PCDHB10: variants seen among roughly 807,000 people sequenced by gnomAD.
PCDHB10 encodes the protein protocadherin beta 10, also known as protocadherin beta-10.
For synonymous variants in PCDHB10, 448 were observed against 449.2 expected, an observed-to-expected ratio of 1.00 and a Z score of 0.04; for missense variants, 1,046 against 1,004.7, an observed-to-expected ratio of 1.04 and a Z score of -0.56.
chr5:141,193,332 T>C lies in PCDHB10; in HGVS notation c.780T>C (p.Leu260=). 6.2e-7 allele frequency: 1 copy of C among 1,614,112 alleles called. No individual in the cohort carries two copies. The highest frequency in any genetic ancestry group is 8.5e-7 in the Non-Finnish European group (1 of 1,179,992). The change falls in exon 1 of 1, where the codon CTT becomes CTC. Residue 260 remains leucine (L), a synonymous_variant. Transcript: ENST00000239446. ...QAPENSPIGF[L]IVKVWAEDVD... is the part of the protein sequence containing the mutation. ...CAGAAAACAGCCCCATTGGGTTCCT[T>C]ATTGTTAAGGTATGGGCAGAAGATG...
In PCDHB10 at chr5:141,193,528, G is replaced by A. The variant is rs996657965; in HGVS notation, c.976G>A (p.Gly326Ser). 6.2e-7 allele frequency: 1 copy of A among 1,614,000 alleles called. No homozygotes were observed. Among genetic ancestry groups the A allele is most frequent in the African/African-American group, 1.3e-5 (1 of 74,888 alleles). ...KINIQAMDGG[G>S]LSARCRVLVE... ...AAATATACAGGCAATGGACGGTGGAGGCCTTTCTGCAAGATGTAGGGTTTT... is the reference window on the plus strand; with the variant it reads ...AAATATACAGGCAATGGACGGTGGAAGCCTTTCTGCAAGATGTAGGGTTTT... The change falls in exon 1 of 1, where the codon GGC becomes AGC. Residue 326 changes from glycine (G) to serine (S), a missense_variant. Transcript: ENST00000239446.
At position 141,194,430 on chromosome 5, in the gene PCDHB10, C is replaced by G; in HGVS notation, c.1878C>G (p.Thr626=). 1 of 1,603,618 alleles carries G rather than the reference C, an allele frequency of 6.2e-7. No homozygotes were observed. Among genetic ancestry groups the G allele is most frequent in the South Asian group, 1.1e-5 (1 of 90,898 alleles). The change falls in exon 1 of 1, where the codon ACC becomes ACG. Residue 626 remains threonine, a synonymous_variant. Transcript: ENST00000239446. ...GVWAHNGEVR[T]ARLLSERDAA... The stretch of plus-strand genomic sequence containing the variant: ...GGGCGCACAATGGGGAGGTGCGCAC[C>G]GCCAGGCTGCTGAGCGAGCGCGACG...
rs547993435 is a variant in PCDHB10 at position 141,194,854 on chromosome 5, T to C, written c.2302T>C (p.Phe768Leu). 1.2e-6 allele frequency: 2 copies of C among 1,614,168 alleles called. No homozygotes were observed. Among genetic ancestry groups the C allele is most frequent in the South Asian group, 2.2e-5 (2 of 91,086 alleles). ...TGGPGTSEFK[F>L]LKPVISDIQA... ...AGGCCCCGGGACCAGTGAGTTCAAG[T>C]TCTTGAAACCAGTTATTTCGGATAT... The change falls in exon 1 of 1, where the codon TTC (phenylalanine) becomes CTC (leucine). Residue 768 changes from phenylalanine (F) to leucine (L), a missense_variant. By Grantham distance (22) the Phe-to-Leu change is conservative (BLOSUM62 0). Transcript: ENST00000239446.
chr5:141,194,106 G>A lies in PCDHB10; in HGVS notation c.1554G>A (p.Ser518=), dbSNP rs782084372. The A allele has an allele frequency of 1.9e-6, 3 of 1,605,548 alleles. No individual in the cohort carries two copies. Among genetic ancestry groups the A allele is most frequent in the Non-Finnish European group, 1.7e-6 (2 of 1,176,408 alleles). ...ACGGCCACCTGTTCGCCCTCAGGTC[G>A]CTGGACTACGAGGCCCTGCAGGCTT... is the stretch of plus-strand genomic sequence containing the variant. ...ADNGHLFALR[S]LDYEALQAFE... The change falls in exon 1 of 1, where the codon TCG becomes TCA. Residue 518 remains serine, a synonymous_variant. Coordinates refer to ENST00000239446, the MANE Select transcript of PCDHB10 (RefSeq NM_018930.4).
At position 141,195,016 on chromosome 5, in the gene PCDHB10, C is replaced by G. The variant is rs1326633651; in HGVS notation, c.*61C>G. 1.4e-6 allele frequency: 2 copies of G among 1,480,316 alleles called. No homozygotes were observed. Among genetic ancestry groups the G allele is most frequent in the African/African-American group, 2.8e-5 (2 of 71,038 alleles). 91.7% of individuals were successfully genotyped at this position (1,480,316 alleles called of 1,614,324 possible). On this transcript the variant is annotated 3_prime_UTR_variant, in exon 1 of 1. Transcript: ENST00000239446. The stretch of plus-strand genomic sequence containing the variant: ...ACATAGCCATGTTTCTATTAGTTTA[C>G]TTTTAAATCTCAAATTTAAGTTATT...
chr5:141,194,923 T>C lies in PCDHB10; in HGVS notation c.2371T>C (p.Phe791Leu). 6.2e-7 allele frequency: 1 copy of C among 1,611,850 alleles called. No individual in the cohort carries two copies. Among genetic ancestry groups the C allele is most frequent in the Non-Finnish European group, 8.5e-7 (1 of 1,178,624 alleles). The part of the protein sequence containing the change: ...PGRKGEENST[F>L]RNSFGFNIQ ...GAGGAAGGGTGAAGAAAATTCCACCTTCCGAAATAGCTTTGGATTTAATAT... is the reference window on the plus strand; with the variant it reads ...GAGGAAGGGTGAAGAAAATTCCACCCTCCGAAATAGCTTTGGATTTAATAT... Residue 791 changes from phenylalanine (F) to leucine (L), a missense_variant, in exon 1 of 1, where the codon TTC becomes CTC. By Grantham distance (22) the Phe-to-Leu change is conservative. Transcript: ENST00000239446.
At position 141,193,164 on chromosome 5, in the gene PCDHB10, G is replaced by T. The variant is rs373112771; in HGVS notation, c.612G>T (p.Glu204Asp). The change falls in exon 1 of 1, where the codon GAG becomes GAT. Residue 204 changes from glutamate (E) to aspartate (D), a missense_variant. Transcript: ENST00000239446. ...LVLDKALDRE[E>D]QGELSLTLTA... is the part of the protein sequence containing the mutation. The stretch of plus-strand genomic sequence containing the variant: ...TGGACAAAGCACTGGATCGGGAGGA[G>T]CAGGGAGAGCTCAGCTTAACCCTCA... 6.2e-7 allele frequency: 1 copy of T among 1,614,134 alleles called. No homozygotes were observed.
rs113154068 is a variant in PCDHB10, at chr5:141,192,460, G to C, written c.-93G>C. ...GGGAAAGGACAAAAAAGACCCCTGG[G>C]CTACACGGCGTAGGTGCAGGGTTTC... is the stretch of plus-strand genomic sequence containing the variant. On this transcript the variant is annotated 5_prime_UTR_variant, in exon 1 of 1. Transcript: ENST00000239446. The C allele has an allele frequency of 8.0e-6, 12 of 1,492,510 alleles. No individual in the cohort carries two copies. The African/African-American group carries it at 8.4e-5, about 11-fold the overall frequency. The allele number at this position is 1,492,510 out of a possible 1,614,324, so 92.5% of individuals were successfully genotyped here. A position where few individuals can be genotyped will look rare whatever the true frequency, so the allele number is the denominator to read the frequency against.
Position 141,194,821 on chromosome 5 carries a change from C to T in PCDHB10, c.2269C>T (p.Leu757=). Residue 757 remains leucine, a synonymous_variant, in exon 1 of 1, where the codon CTG becomes TTG. Coordinates refer to ENST00000239446, the MANE Select transcript of PCDHB10 (RefSeq NM_018930.4). ...LSQSYQYEVC[L]TGGPGTSEFK... ...CCAGAGCTACCAGTATGAGGTGTGT[C>T]TGACGGGAGGCCCCGGGACCAGTGA... The T allele has an allele frequency of 6.2e-7, 1 of 1,614,166 alleles. No individual in the cohort carries two copies. The highest frequency in any genetic ancestry group is 8.5e-7 in the Non-Finnish European group (1 of 1,180,034).
chr5:141,194,453 A>G lies in PCDHB10; in HGVS notation c.1901A>G (p.Asp634Gly), dbSNP rs1554284408. The change falls in exon 1 of 1, where the codon GAC becomes GGC. Residue 634 changes from aspartate (D) to glycine (G), a missense_variant. By Grantham distance (94) the Asp-to-Gly change is moderately conservative. Coordinates refer to ENST00000239446, the MANE Select transcript of PCDHB10 (RefSeq NM_018930.4). ...VRTARLLSER[D>G]AAKHRLVVLV... ...ACCGCCAGGCTGCTGAGCGAGCGCG[A>G]CGCAGCCAAGCACAGGCTCGTGGTG... 1.9e-6 allele frequency: 3 copies of G among 1,604,082 alleles called. No homozygotes were observed. Among genetic ancestry groups the G allele is most frequent in the Admixed American group, 1.7e-5 (1 of 59,854 alleles).
Position 141,194,957 on chromosome 5 carries a change from G to T in PCDHB10, c.*2G>T, listed in dbSNP as rs141023974. The T allele has an allele frequency of 9.7e-3, 15,395 of 1,588,102 alleles. 100 individuals carry two copies. The highest frequency in any genetic ancestry group is 0.012 in the Non-Finnish European group (13,443 of 1,165,206). On this transcript the variant is annotated 3_prime_UTR_variant, in exon 1 of 1. Coordinates refer to ENST00000239446, the MANE Select transcript of PCDHB10 (RefSeq NM_018930.4). ...AGCTTTGGATTTAATATTCAGTAAA[G>T]TCTGTTTTTAGTTTCATATACTTTT...
rs138731625 is a variant in PCDHB10 at position 141,193,357 on chromosome 5, G to A, written c.805G>A (p.Val269Ile). ...FLIVKVWAED[V>I]DSGVNAEVSY... ...TATTGTTAAGGTATGGGCAGAAGATGTAGACTCTGGAGTCAACGCGGAAGT... is the reference window on the plus strand; with the variant it reads ...TATTGTTAAGGTATGGGCAGAAGATATAGACTCTGGAGTCAACGCGGAAGT... The change falls in exon 1 of 1, where the codon GTA becomes ATA. Residue 269 changes from valine to isoleucine, a missense_variant. By Grantham distance (29) the Val-to-Ile change is conservative. Transcript: ENST00000239446. 34 of 1,614,080 alleles carry A rather than the reference G, an allele frequency of 2.1e-5. 1 individual carries two copies. Among genetic ancestry groups the A allele is most frequent in the Non-Finnish European group, 2.5e-5 (30 of 1,180,036 alleles).
rs146421486 is a variant in PCDHB10, at chr5:141,193,952, C to G, written c.1400C>G (p.Ala467Gly). 33,085 of 1,611,980 alleles carry G rather than the reference C, an allele frequency of 0.021. 455 individuals carry two copies. The highest frequency in any genetic ancestry group is 0.024 in the Non-Finnish European group (28,013 of 1,179,726). ...TLFVRENNSP[A>G]LHIGSVSATD... ...TTCGTCCGCGAGAACAACAGCCCCG[C>G]CCTGCACATCGGCAGCGTCAGCGCC... The change falls in exon 1 of 1, where the codon GCC becomes GGC. Residue 467 changes from alanine to glycine, a missense_variant. Transcript: ENST00000239446.
chr5:141,192,940 G>A lies in PCDHB10; in HGVS notation c.388G>A (p.Ala130Thr), dbSNP rs147241878. The change falls in exon 1 of 1, where the codon GCG becomes ACG. Residue 130 changes from alanine to threonine, a missense_variant. By Grantham distance (58) the Ala-to-Thr change is moderately conservative. Transcript: ENST00000239446. ...ELRVRDINDH[A>T]PVFQDKETVL... The stretch of plus-strand genomic sequence containing the variant: ...GAGAGTCAGGGATATAAATGATCAC[G>A]CGCCAGTATTTCAGGACAAAGAAAC... 6.2e-6 allele frequency: 10 copies of A among 1,613,944 alleles called. No homozygotes were observed. Among genetic ancestry groups the A allele is most frequent in the Non-Finnish European group, 7.6e-6 (9 of 1,180,028 alleles).
rs781965484 is a variant in PCDHB10 at position 141,192,756 on chromosome 5, C to T, written c.204C>T (p.Ser68=). The stretch of plus-strand genomic sequence containing the variant: ...CTGCAAGGGGAACCAGGGTGGTTTC[C>T]GATGATAACAAACAATACCTGCTCC... ...ELAARGTRVV[S]DDNKQYLLLD... Residue 68 remains serine (S), a synonymous_variant, in exon 1 of 1, where the codon TCC becomes TCT. Coordinates refer to ENST00000239446, the MANE Select transcript of PCDHB10 (RefSeq NM_018930.4). The T allele has an allele frequency of 2.2e-5, 35 of 1,608,104 alleles. No individual in the cohort carries two copies. The highest frequency in any genetic ancestry group is 2.8e-5 in the Non-Finnish European group (33 of 1,176,264).
At position 141,192,949 on chromosome 5, in the gene PCDHB10, T is replaced by C. The variant is rs782529936; in HGVS notation, c.397T>C (p.Phe133Leu). The C allele has an allele frequency of 2.0e-5, 32 of 1,614,026 alleles. No homozygotes were observed. Among genetic ancestry groups the C allele is most frequent in the African/African-American group, 4.0e-5 (3 of 74,900 alleles). ...GGATATAAATGATCACGCGCCAGTA[T>C]TTCAGGACAAAGAAACAGTCTTAAA... ...VRDINDHAPV[F>L]QDKETVLKIS... Residue 133 changes from phenylalanine (F) to leucine (L), a missense_variant, in exon 1 of 1, where the codon TTT becomes CTT. By Grantham distance (22) the Phe-to-Leu change is conservative. Coordinates refer to ENST00000239446, the MANE Select transcript of PCDHB10 (RefSeq NM_018930.4).
rs782093101 is a variant in PCDHB10, at chr5:141,192,559, G to C, written c.7G>C (p.Val3Leu). The change falls in exon 1 of 1, where the codon GTC becomes CTC. Residue 3 changes from valine to leucine, a missense_variant. By Grantham distance (32) the Val-to-Leu change is conservative (BLOSUM62 1). Transcript: ENST00000239446. The stretch of plus-strand genomic sequence containing the variant: ...AATAACGTATGCAGCAGCTATGGCT[G>C]TCAGAGAGTTGTGCTTCCCAAGACA... Reference protein sequence around the residue: MAVRELCFPRQRQ... With the variant: MALRELCFPRQRQ... 1.2e-6 allele frequency: 2 copies of C among 1,613,532 alleles called. No individual in the cohort carries two copies. Among genetic ancestry groups the C allele is most frequent in the Non-Finnish European group, 1.7e-6 (2 of 1,179,816 alleles).
chr5:141,195,100 CA>C lies in PCDHB10; in HGVS notation c.*146del. On this transcript the variant is annotated 3_prime_UTR_variant, in exon 1 of 1. Coordinates refer to ENST00000239446, the MANE Select transcript of PCDHB10 (RefSeq NM_018930.4). ...CCCCTGTGGTTTTACAATGTTTCAT[CA>C]TTTTTTTGCATTAATAACAACTGGG... 1 of 788,040 alleles carries C rather than the reference CA, an allele frequency of 1.3e-6. No individual in the cohort carries two copies. The highest frequency in any genetic ancestry group is 1.9e-6 in the Non-Finnish European group (1 of 528,632). The allele number at this position is 788,040 out of a possible 1,614,324, so 48.8% of individuals were successfully genotyped here. A position where few individuals can be genotyped will look rare whatever the true frequency, so the allele number is the denominator to read the frequency against.
Position 141,193,173 on chromosome 5 carries a change from G to A in PCDHB10, c.621G>A (p.Glu207=). 6.2e-7 allele frequency: 1 copy of A among 1,614,114 alleles called. No homozygotes were observed. Among genetic ancestry groups the A allele is most frequent in the Non-Finnish European group, 8.5e-7 (1 of 1,180,030 alleles). ...DKALDREEQG[E]LSLTLTALDG... ...CACTGGATCGGGAGGAGCAGGGAGAGCTCAGCTTAACCCTCACAGCGCTGG... is the reference window on the plus strand; with the variant it reads ...CACTGGATCGGGAGGAGCAGGGAGAACTCAGCTTAACCCTCACAGCGCTGG... Residue 207 remains glutamate (E), a synonymous_variant, in exon 1 of 1, where the codon GAG becomes GAA. Coordinates refer to ENST00000239446, the MANE Select transcript of PCDHB10 (RefSeq NM_018930.4).
Sources: allele counts gnomAD v4.1 joint callset, GRCh38; gene constraint gnomAD v4.1.1; transcripts MANE v1.5; gene names NCBI Gene and HGNC (gene_info 2026-07-23, HGNC 2026-07-21).